Variants in PHACTR3 observed in about 807,000 individuals in gnomAD.
PHACTR3 encodes the protein phosphatase and actin regulator 3.
Under a neutral mutation model 66.8 loss-of-function variants are expected in PHACTR3, and 16 were observed. The ratio of observed to expected loss-of-function variants is 0.24; its 90% CI spans 0.16 to 0.36. The LOEUF is 0.36. Among genes scored for constraint, PHACTR3 ranks in the 10% least tolerant of loss-of-function variants. The pLI, the probability that PHACTR3 is intolerant of heterozygous loss-of-function variation, is 1.00. For synonymous variants in PHACTR3, 323 were observed against 292.1 expected (o/e 1.11, Z -1.08); for missense variants, 647 against 719.9 (o/e 0.90, Z 1.16).
chr20:59,743,972 A>G (rs570542858), intron 2 of PHACTR3, among the ~76,000 whole-genome samples: 1 of 152,260 alleles, frequency 6.6e-6, no homozygotes, highest in East Asian at 1.9e-4. Flanking sequence ...CGGGATTGCG[A>G]TGGCTGGTCC....
At chr20:59,730,377 C>T (rs547724797) in intron 1 of PHACTR3, among the ~76,000 whole-genome samples, 1 of 152,182 alleles carries the variant, frequency 6.6e-6, no homozygotes, top group African/African-American at 2.4e-5. Flanking sequence ...GCGAGGAGGG[C>T]CATGGTGGTA....
intron 1 of PHACTR3, among the ~76,000 whole-genome samples, chr20:59,683,826 T>A (rs1347123823): frequency 1.3e-5 from 2 of 152,138 alleles, no homozygotes; most frequent in Non-Finnish European, 2.9e-5. Flanking sequence ...TCCCTTAAAG[T>A]CCCCTTTTAC....
At position 59,830,303 on chromosome 20, in the gene PHACTR3, AGT is replaced by A. The variant is rs919641504; in HGVS notation, c.1329-6198_1329-6197del. The stretch of plus-strand genomic sequence containing the variant: ...TGATGGAAGCAAGTGAGTGATGGAC[AGT>A]GTGAGTAGATGATGAAAGAAGGTGT... On this transcript the variant is annotated intron_variant, in intron 8 of 12. Transcript: ENST00000371015. The surrounding 1 kb of genome is among the most constrained non-coding windows in gnomAD (Gnocchi z 5.8). 3.9e-5 allele frequency among the ~76,000 whole-genome samples: 6 copies of A among 151,960 alleles called. No individual in the cohort carries two copies. Among genetic ancestry groups the A allele is most frequent in the Non-Finnish European group, 8.8e-5 (6 of 67,968 alleles).
upstream of PHACTR3, among the ~76,000 whole-genome samples, chr20:59,602,620 C>T (rs903979449): frequency 2.6e-5 from 4 of 151,984 alleles, no homozygotes; most frequent in African/African-American, 9.7e-5. Flanking sequence ...CTTTCTCCTC[C>T]CCCCCACCTA....
At chr20:59,639,896 C>T (rs961663049) in intron 1 of PHACTR3, among the ~76,000 whole-genome samples, 11 of 152,288 alleles carry the variant, frequency 7.2e-5, no homozygotes, top group Admixed American at 4.6e-4. Context: ...CCATGTTCTC[C>T]GTGATAATGC....
At chr20:59,837,132 G>A (rs1201457842) in intron 9 of PHACTR3, among the ~76,000 whole-genome samples, 4 of 152,142 alleles carry the variant, frequency 2.6e-5, no homozygotes, top group Non-Finnish European at 5.9e-5. Flanking sequence ...ATGCTCTAGG[G>A]CACTATATTC....
Position 59,604,828 on chromosome 20 carries a change from C to T in PHACTR3, c.-187C>T, listed in dbSNP as rs1195478565. 8.2e-7 allele frequency: 1 copy of T among 1,212,696 alleles called. No individual in the cohort carries two copies. Among genetic ancestry groups the T allele is most frequent in the African/African-American group, 1.6e-5 (1 of 63,784 alleles). The allele number at this position is 1,212,696 out of a possible 1,614,324, so 75.1% of individuals were successfully genotyped here. On this transcript the variant is annotated 5_prime_UTR_variant, in exon 1 of 13. Transcript: ENST00000371015. The stretch of plus-strand genomic sequence containing the variant: ...AGCCGGCGAGGCTATTGTCTCCCCG[C>T]CCTGAAGCCAGCCCCGGCGTCTTTC...
At chr20:59,619,131 T>C (rs1180281713) in intron 1 of PHACTR3, among the ~76,000 whole-genome samples, 1 of 152,156 alleles carries the variant, frequency 6.6e-6, no homozygotes, top group African/African-American at 2.4e-5. Context: ...ATGACCCATA[T>C]CCTGTATAGC....
intron 7 of PHACTR3, among the ~76,000 whole-genome samples, chr20:59,791,166 C>G (rs1293745337): frequency 6.6e-6 from 1 of 152,080 alleles, no homozygotes; most frequent in Admixed American, 6.5e-5. Flanking sequence ...GGTGATTGGG[C>G]CATGAGAGCT....
intron 1 of PHACTR3, among the ~76,000 whole-genome samples, chr20:59,681,539 A>G (rs2036648653): frequency 6.6e-6 from 1 of 152,248 alleles, no homozygotes; most frequent in Non-Finnish European, 1.5e-5. Flanking sequence ...AGATGACACA[A>G]ATCAATAAAA....
intron 1 of PHACTR3, among the ~76,000 whole-genome samples, chr20:59,704,345 T>C (rs2037617661): frequency 1.3e-5 from 2 of 152,148 alleles, no homozygotes; most frequent in East Asian, 3.8e-4. Context: ...AATTTAGTAT[T>C]TTTTTCTTTA....
In PHACTR3 at chr20:59,595,235, G is replaced by T. The variant is rs574586144; in HGVS notation, c.109+17618G>T. Among the ~76,000 whole-genome samples, 105 of 152,124 alleles carry T rather than the reference G, an allele frequency of 6.9e-4. 1 individual carries two copies. Among genetic ancestry groups the T allele is most frequent in the Non-Finnish European group, 1.4e-3 (94 of 68,030 alleles). ...ACCAGCACTTTGGGAGGCCGAGACGGGTGGATCACGAGGTCAGGAGTTCGA... is the reference window on the plus strand; with the variant it reads ...ACCAGCACTTTGGGAGGCCGAGACGTGTGGATCACGAGGTCAGGAGTTCGA... On this transcript the variant is annotated intron_variant, in intron 1 of 12. Transcript: ENST00000359926.
At chr20:59,658,702 C>A (rs2035707371) in intron 1 of PHACTR3, among the ~76,000 whole-genome samples, 1 of 152,206 alleles carries the variant, frequency 6.6e-6, no homozygotes, top group Admixed American at 6.5e-5. Context: ...TTAGGCTCCA[C>A]TAACTGCCAA....
At chr20:59,644,212 C>A (rs1187096225) in intron 1 of PHACTR3, among the ~76,000 whole-genome samples, 2 of 152,198 alleles carry the variant, frequency 1.3e-5, no homozygotes, top group African/African-American at 2.4e-5. Context: ...CCCTGATGGG[C>A]AGAAGCTTCC....
At chr20:59,737,526 ATGTG>A (rs3042720) in intron 1 of PHACTR3, among the ~76,000 whole-genome samples, 54,187 of 150,090 alleles carry the variant, frequency 0.36, 11,963 homozygotes, top group East Asian at 0.61. Flanking sequence ...GTGTGCGTGT[ATGTG>A]TGTGCGTGCA....
At chr20:59,763,768 CCTGCCAGAGAGG>C (rs1161564962) in intron 4 of PHACTR3, among the ~76,000 whole-genome samples, 1 of 152,128 alleles carries the variant, frequency 6.6e-6, no homozygotes, top group Non-Finnish European at 1.5e-5. Flanking sequence ...GGAGGTGGGA[CCTGCCAGAGAGG>C]CTGAGCAGAG....
intron 3 of PHACTR3, 144 bp downstream of exon 3, chr20:59,747,979 G>C: frequency 1.2e-6 from 1 of 843,150 alleles, no homozygotes; most frequent in Non-Finnish European, 1.8e-6. Flanking sequence ...AGGTTGGAGA[G>C]ACACCCCATG....
chr20:59,639,386 A>G (rs1217055766), intron 1 of PHACTR3, among the ~76,000 whole-genome samples: 1 of 152,148 alleles, frequency 6.6e-6, no homozygotes, highest in East Asian at 1.9e-4. Context: ...CTCTTGGCCA[A>G]GAGGACCTCA....
chr20:59,623,571 A>G (rs2146371740), intron 1 of PHACTR3, among the ~76,000 whole-genome samples: 1 of 152,338 alleles, frequency 6.6e-6, no homozygotes, highest in South Asian at 2.1e-4. Context: ...TGTAATATGA[A>G]GGGAAACACG....
Sources: allele counts gnomAD v4.1 joint callset (sites outside exome capture counted in the v4.1 genomes callset), GRCh38; gene constraint gnomAD v4.1.1; non-coding constraint Gnocchi (gnomAD v3.1); transcripts MANE v1.5; gene names NCBI Gene and HGNC (gene_info 2026-07-23, HGNC 2026-07-21).